The following PAX7 variants were observed in gnomAD, a reference collection of about 807,000 sequenced individuals.
PAX7 encodes paired box protein Pax-7.
PAX7 carries 18 observed loss-of-function variants against 50.7 expected under a neutral mutation model. That is an observed-to-expected ratio of 0.36 (90% CI 0.25 to 0.53). PAX7 has a LOEUF of 0.53. Among genes scored for constraint, PAX7 ranks in the 20% least tolerant of loss-of-function variants. The pLI is 0.93. For missense variants in PAX7, 644 were observed against 702.9 expected (o/e 0.92, Z 0.95); for synonymous variants, 310 against 290.4 (o/e 1.07, Z -0.69).
At chr1:18,688,270 G>A (rs2743210) in intron 4 of PAX7, among the ~76,000 whole-genome samples, 17 of 152,148 alleles carry the variant, frequency 1.1e-4, no homozygotes, top group African/African-American at 3.4e-4. Context: ...AACAAGGAAC[G>A]TTGTTAAATT....
chr1:18,686,004 A>G (rs541550027), intron 4 of PAX7, among the ~76,000 whole-genome samples: 3 of 152,318 alleles, frequency 2.0e-5, no homozygotes, highest in East Asian at 3.9e-4. Context: ...AAGCTTTGAC[A>G]ACGCAAATGG....
In PAX7 at chr1:18,631,367, G is replaced by A. The variant is rs1033146317; in HGVS notation, c.-237G>A. On this transcript the variant is annotated 5_prime_UTR_variant, in exon 1 of 9. Coordinates refer to ENST00000420770, the MANE Select transcript of PAX7 (RefSeq NM_001135254.2). ...TGTTTGTTTGAACTTCCTCGTCGTC[G>A]CCACCTTCCCTCCCCCCAACCTCCA... The A allele has an allele frequency of 4.8e-5, 25 of 521,910 alleles. No individual in the cohort carries two copies. Among genetic ancestry groups the A allele is most frequent in the Non-Finnish European group, 2.1e-5 (6 of 290,128 alleles). The allele number at this position is 521,910 out of a possible 1,614,324, so 32.3% of individuals were successfully genotyped here. A position where few individuals can be genotyped will look rare whatever the true frequency, so the allele number is the denominator to read the frequency against.
rs893773424 is a variant in PAX7, at chr1:18,684,275, G to A, written c.587-7479G>A. On this transcript the variant is annotated intron_variant, in intron 4 of 8. Transcript: ENST00000420770. ...CCTCAGTGCTGGGCCAGCTGCATGA[G>A]AGGCGTGAAGGGAGAGGAGGGGATG... is the stretch of plus-strand genomic sequence containing the variant. Among the ~76,000 whole-genome samples the A allele has an allele frequency of 3.3e-5, 5 of 152,346 alleles. No homozygotes were observed. The South Asian group carries it at 8.3e-4, about 25-fold the overall frequency.
intron 4 of PAX7, among the ~76,000 whole-genome samples, chr1:18,643,690 C>T (rs1156482433): frequency 6.6e-6 from 1 of 152,220 alleles, no homozygotes; most frequent in African/African-American, 2.4e-5. Context: ...CGCGGCCGCC[C>T]TTTTGATCCT....
At chr1:18,706,241 C>T (rs567143824) in intron 7 of PAX7, among the ~76,000 whole-genome samples, 65 of 152,236 alleles carry the variant, frequency 4.3e-4, no homozygotes, top group African/African-American at 1.5e-3. Context: ...GGGAGACGCC[C>T]TGTGAGGACA....
Position 18,746,295 on chromosome 1 carries a change from G to A in PAX7, c.*1366G>A, listed in dbSNP as rs2743184. 0.042 allele frequency: 9,666 copies of A among 229,996 alleles called. 937 individuals are homozygous for A. The highest frequency in any genetic ancestry group is 0.2 in the African/African-American group (8,932 of 45,180). 14.2% of individuals were successfully genotyped at this position (229,996 alleles called of 1,614,324 possible). A position where few individuals can be genotyped will look rare whatever the true frequency, so the allele number is the denominator to read the frequency against. ...TGAGGCAGATGTGACCAGTTTTCAA[G>A]CTACCAGCCCTGGGCAGAGGAAGAT... On this transcript the variant is annotated 3_prime_UTR_variant, in exon 9 of 9. Coordinates refer to ENST00000420770, the MANE Select transcript of PAX7 (RefSeq NM_001135254.2).
At chr1:18,705,744 T>C (rs1039572787) in intron 7 of PAX7, among the ~76,000 whole-genome samples, 6 of 152,130 alleles carry the variant, frequency 3.9e-5, no homozygotes, top group African/African-American at 1.4e-4. Flanking sequence ...GATGACGTGT[T>C]TTCCATCCTC....
Position 18,735,748 on chromosome 1 carries a change from C to T in PAX7, c.1272C>T (p.Ser424=), listed in dbSNP as rs2100405803. 1 of 1,614,108 alleles carries T rather than the reference C, an allele frequency of 6.2e-7. No individual in the cohort carries two copies. The highest frequency in any genetic ancestry group is 1.3e-5 in the African/African-American group (1 of 75,058). Residue 424 remains serine (S), a synonymous_variant, in exon 8 of 9, where the codon AGC becomes AGT. Coordinates refer to ENST00000420770, the MANE Select transcript of PAX7 (RefSeq NM_001135254.2). This position sits in a 1 kb window ranked among gnomAD's most constrained non-coding sequence, Gnocchi z 4.0. ...CCACCTCCATCTCAGCCAGCTGCAG[C>T]CAGCGGGCCGACTCCATCAAGCCAG... ...DSATSISASC[S]QRADSIKPGD...
chr1:18,676,856 T>C (rs1431820724), intron 4 of PAX7, among the ~76,000 whole-genome samples: 2 of 152,208 alleles, frequency 1.3e-5, no homozygotes, highest in African/African-American at 4.8e-5. Context: ...ATCCATCAGA[T>C]ACAGCCCAGA....
chr1:18,733,888 T>C (rs1304944774), intron 7 of PAX7, among the ~76,000 whole-genome samples: 1 of 152,160 alleles, frequency 6.6e-6, no homozygotes, highest in East Asian at 1.9e-4. Context: ...CCACGGCCCC[T>C]TTGCGGGCCT....
chr1:18,637,864 G>C (rs887034287), intron 4 of PAX7, among the ~76,000 whole-genome samples: 1 of 152,230 alleles, frequency 6.6e-6, no homozygotes, highest in Non-Finnish European at 1.5e-5. Context: ...TGTGCCGGGC[G>C]CCCCGCTGTG....
intron 4 of PAX7, among the ~76,000 whole-genome samples, chr1:18,655,428 C>A (rs1005006404): frequency 2.0e-5 from 3 of 152,128 alleles, no homozygotes; most frequent in Non-Finnish European, 4.4e-5. Context: ...GGGGGCCAAC[C>A]GGGATGAGCT....
At chr1:18,642,169 A>G (rs2088266243) in intron 4 of PAX7, among the ~76,000 whole-genome samples, 1 of 151,392 alleles carries the variant, frequency 6.6e-6, no homozygotes, top group South Asian at 2.1e-4. Context: ...ATTTTTATAT[A>G]GGAAAAGAGG....
chr1:18,744,782 C>G, intron 8 of PAX7, 32 bp from the exon 9 acceptor site: 1 of 1,332,114 alleles, frequency 7.5e-7, no homozygotes, highest in Non-Finnish European at 1.1e-6. Context: ...AAAAGAACCT[C>G]AATTTCTAGG....
chr1:18,702,271 G>C (rs146744101), intron 6 of PAX7, among the ~76,000 whole-genome samples: 3,153 of 152,192 alleles, frequency 0.021, 109 homozygotes, highest in African/African-American at 0.067. Flanking sequence ...CCCGGGAGGC[G>C]GAGGTTGCAC....
At chr1:18,701,530 T>C (rs2089222386) in intron 6 of PAX7, among the ~76,000 whole-genome samples, 1 of 151,936 alleles carries the variant, frequency 6.6e-6, no homozygotes, top group African/African-American at 2.4e-5. Context: ...TAGATTATGT[T>C]GGTCTCCAAC....
intron 4 of PAX7, among the ~76,000 whole-genome samples, chr1:18,662,055 C>T (rs1209520024): frequency 6.6e-6 from 1 of 151,342 alleles, no homozygotes; most frequent in Non-Finnish European, 1.5e-5. Flanking sequence ...TCTCTGCCTG[C>T]ACCAGTGTCC....
intron 4 of PAX7, among the ~76,000 whole-genome samples, chr1:18,653,463 G>A (rs928095881): frequency 2.0e-5 from 3 of 152,112 alleles, no homozygotes; most frequent in African/African-American, 7.2e-5. Context: ...GGGAGGTGTC[G>A]CTTTCGGTTG....
Position 18,634,654 on chromosome 1 carries a change from G to A in PAX7, c.321+116G>A. The A allele has an allele frequency of 1.3e-6, 1 of 750,564 alleles. No individual in the cohort carries two copies. The highest frequency in any genetic ancestry group is 2.2e-6 in the Non-Finnish European group (1 of 456,812). The allele number at this position is 750,564 out of a possible 1,614,324, so 46.5% of individuals were successfully genotyped here. On this transcript the variant is annotated intron_variant, in intron 2 of 8. Transcript: ENST00000420770. This position sits in a 1 kb window ranked among gnomAD's most constrained non-coding sequence, Gnocchi z 4.0. ...CTGTAGGAAAGTACAGCTGGAGGGT[G>A]TCTTCTACTCCCAGATGTCCTCCCA...
Sources: allele counts gnomAD v4.1 joint callset (sites outside exome capture counted in the v4.1 genomes callset), GRCh38; gene constraint gnomAD v4.1.1; non-coding constraint Gnocchi (gnomAD v3.1); transcripts MANE v1.5; gene names NCBI Gene and HGNC (gene_info 2026-07-23, HGNC 2026-07-21).